Variants in LHFPL3 observed in about 807,000 individuals in gnomAD.
LHFPL3 encodes the protein LHFPL tetraspan subfamily member 3 protein.
A neutral mutation model predicts 19.3 loss-of-function variants in LHFPL3; 5 were observed. The ratio of observed to expected loss-of-function variants is 0.26; its 90% CI spans 0.14 to 0.54. LHFPL3 has a LOEUF of 0.54. LHFPL3 is among the 20% of genes least tolerant of loss of function. The pLI is 0.94. For synonymous variants in LHFPL3, 133 were observed against 126.2 expected, an observed-to-expected ratio of 1.05 and a Z score of -0.36; for missense variants, 249 against 307.4, an observed-to-expected ratio of 0.81 and a Z score of 1.42.
chr7:104,894,957 C>T (rs1314442539), intron 2 of LHFPL3: 1 of 152,174 alleles, frequency 6.6e-6, no homozygotes, highest in Non-Finnish European at 1.5e-5. Context: ...ATGAGAATCA[C>T]CTGGGATCTC....
intron 1 of LHFPL3, among the ~76,000 whole-genome samples, chr7:104,616,367 G>C (rs1170832976): frequency 2.6e-5 from 4 of 152,090 alleles, no homozygotes; most frequent in African/African-American, 9.7e-5. Context: ...TGACAAACCT[G>C]ACAAAAACAA....
intron 1 of LHFPL3, among the ~76,000 whole-genome samples, chr7:104,412,757 A>G (rs936961631): frequency 6.6e-6 from 1 of 152,132 alleles, no homozygotes; most frequent in East Asian, 1.9e-4. Flanking sequence ...CTTATGTGAC[A>G]TTTTCTATTT....
intron 1 of LHFPL3, among the ~76,000 whole-genome samples, chr7:104,433,951 A>G (rs1792049875): frequency 6.6e-6 from 1 of 152,218 alleles, no homozygotes; most frequent in East Asian, 1.9e-4. Context: ...GCATATACTA[A>G]TGTAAAGCAT....
rs1793117103 is a variant in LHFPL3, at chr7:104,702,206, C to A, written c.446-34469C>A. On this transcript the variant is annotated intron_variant, in intron 1 of 2. Transcript: ENST00000424859. ...CATGTCCCTGTAAGGGACATGAACT[C>A]ATTGTTCTGATTCTTTTTATGGCAT... Among the ~76,000 whole-genome samples the A allele has an allele frequency of 2.0e-5, 3 of 152,240 alleles. No homozygotes were observed. In the South Asian group the frequency reaches 6.2e-4, roughly 32 times the overall value.
chr7:104,611,309 G>A (rs1020993168), intron 1 of LHFPL3, among the ~76,000 whole-genome samples: 2 of 152,188 alleles, frequency 1.3e-5, no homozygotes, highest in African/African-American at 4.8e-5. Flanking sequence ...CTGCAGATTA[G>A]ATCCAAAGTC....
intron 1 of LHFPL3, among the ~76,000 whole-genome samples, chr7:104,652,658 G>A (rs1400669665): frequency 6.6e-6 from 1 of 152,054 alleles, no homozygotes; most frequent in Admixed American, 6.5e-5. Context: ...CTGATTGCTG[G>A]AGATTGAGGA....
chr7:104,534,998 G>A (rs1347669186), intron 1 of LHFPL3, among the ~76,000 whole-genome samples: 1 of 152,156 alleles, frequency 6.6e-6, no homozygotes. Flanking sequence ...ATAAAATATG[G>A]GGAGAGGAGG....
At chr7:104,888,419 A>T (rs1792189892) in intron 2 of LHFPL3, among the ~76,000 whole-genome samples, 1 of 152,182 alleles carries the variant, frequency 6.6e-6, no homozygotes, top group East Asian at 1.9e-4. Flanking sequence ...AGCTCCAGCT[A>T]ACCAGGAGAC....
At chr7:104,490,866 A>T (rs1357315893) in intron 1 of LHFPL3, among the ~76,000 whole-genome samples, 1 of 152,026 alleles carries the variant, frequency 6.6e-6, no homozygotes, top group African/African-American at 2.4e-5. Flanking sequence ...TTTGGGTGCC[A>T]CCTCTTTTTT....
chr7:104,504,854 G>C (rs966679796), intron 1 of LHFPL3, among the ~76,000 whole-genome samples: 2 of 152,138 alleles, frequency 1.3e-5, no homozygotes, highest in Non-Finnish European at 2.9e-5. Flanking sequence ...AATTGGTTCA[G>C]CTTGCTTTGT....
intron 1 of LHFPL3, among the ~76,000 whole-genome samples, chr7:104,347,022 G>A (rs894066916): frequency 7.5e-6 from 1 of 132,758 alleles, no homozygotes; most frequent in African/African-American, 2.8e-5. Flanking sequence ...CAGTTCCTTA[G>A]CCTATCTGTG....
intron 1 of LHFPL3, among the ~76,000 whole-genome samples, chr7:104,393,795 TACA>T (rs1432578085): frequency 2.0e-5 from 3 of 152,184 alleles, no homozygotes; most frequent in Non-Finnish European, 1.5e-5. Flanking sequence ...TGCTGTGTGC[TACA>T]ACATGAATGA....
At chr7:104,789,496 T>C (rs764786374) in intron 2 of LHFPL3, among the ~76,000 whole-genome samples, 2 of 152,168 alleles carry the variant, frequency 1.3e-5, no homozygotes, top group African/African-American at 2.4e-5. Flanking sequence ...AAAGCCACTA[T>C]GCAGAAAACA....
intron 2 of LHFPL3, among the ~76,000 whole-genome samples, chr7:104,903,761 C>T (rs114753532): frequency 2.6e-5 from 4 of 152,160 alleles, no homozygotes; most frequent in African/African-American, 9.7e-5. Context: ...CCACAATGCC[C>T]AGCCAATTTT....
intron 1 of LHFPL3, among the ~76,000 whole-genome samples, chr7:104,437,472 C>G (rs946728006): frequency 3.9e-5 from 6 of 152,112 alleles, no homozygotes; most frequent in Non-Finnish European, 7.4e-5. Context: ...CAGAGTTAGC[C>G]CAGACCCCTT....
At chr7:104,883,388 C>A (rs1316831868) in intron 2 of LHFPL3, among the ~76,000 whole-genome samples, 1 of 152,146 alleles carries the variant, frequency 6.6e-6, no homozygotes, top group African/African-American at 2.4e-5. Context: ...TTAAATTAAG[C>A]TTCCTCCTGG....
At chr7:104,538,340 G>A (rs1485721453) in intron 1 of LHFPL3, among the ~76,000 whole-genome samples, 1 of 152,140 alleles carries the variant, frequency 6.6e-6, no homozygotes, top group Non-Finnish European at 1.5e-5. Context: ...ATGAGTGTTG[G>A]TTGCCTGACT....
intron 1 of LHFPL3, among the ~76,000 whole-genome samples, chr7:104,592,500 G>A (rs1405717844): frequency 6.6e-6 from 1 of 152,152 alleles, no homozygotes; most frequent in Non-Finnish European, 1.5e-5. Flanking sequence ...AGCTGTATGA[G>A]GTGTCAGTCG....
chr7:104,381,083 G>A (rs1464085697), intron 1 of LHFPL3, among the ~76,000 whole-genome samples: 2 of 152,130 alleles, frequency 1.3e-5, no homozygotes, highest in African/African-American at 2.4e-5. Context: ...AGAATGCAAA[G>A]GAAAGATCAA....
Sources: allele counts gnomAD v4.1 joint callset (sites outside exome capture counted in the v4.1 genomes callset), GRCh38; gene constraint gnomAD v4.1.1; transcripts MANE v1.5; gene names NCBI Gene and HGNC (gene_info 2026-07-23, HGNC 2026-07-21).